SGCD: variants seen among roughly 807,000 people sequenced by gnomAD.
The protein encoded by SGCD is sarcoglycan delta.
Under a neutral mutation model 36.6 loss-of-function variants are expected in SGCD, and 18 were observed. That is an observed-to-expected ratio of 0.49 (90% confidence interval 0.34 to 0.73). SGCD has a LOEUF of 0.73. Ranked by LOEUF, SGCD falls within the 30% of genes least tolerant of loss-of-function variation. The pLI, the probability that SGCD is intolerant of heterozygous loss-of-function variation, is 0.01. For missense variants in SGCD, 387 were observed against 346.7 expected (o/e 1.12, Z -0.92); for synonymous variants, 133 against 130.6 (o/e 1.02, Z -0.12).
At chr5:156,725,518 G>A (rs950000302) in intron 7 of SGCD, among the ~76,000 whole-genome samples, 1 of 152,126 alleles carries the variant, frequency 6.6e-6, no homozygotes, top group South Asian at 2.1e-4. Context: ...GGGTCTGATG[G>A]GTTCCATAAA....
chr5:156,560,670 C>G (rs1759231216), intron 4 of SGCD, among the ~76,000 whole-genome samples: 1 of 152,120 alleles, frequency 6.6e-6, no homozygotes, highest in Non-Finnish European at 1.5e-5. Context: ...TTATTTTTCC[C>G]TCACCCTCTA....
At chr5:156,170,796 G>A (rs1261691760) in intron 3 of SGCD, among the ~76,000 whole-genome samples, 1 of 152,196 alleles carries the variant, frequency 6.6e-6, no homozygotes, top group East Asian at 1.9e-4. Flanking sequence ...GTTCCAGGCT[G>A]TAATCACATG....
the SGCD span, among the ~76,000 whole-genome samples, chr5:155,744,459 C>CAAATA: frequency 3.2e-3 from 480 of 151,290 alleles, 1 homozygote; most frequent in African/African-American, 7.8e-3. Context: ...GACTCCAACT[C>CAAATA]AAATAAAATA....
intron 3 of SGCD, among the ~76,000 whole-genome samples, chr5:156,183,762 G>A (rs564288019): frequency 6.6e-6 from 1 of 152,232 alleles, no homozygotes; most frequent in East Asian, 1.9e-4. Flanking sequence ...AAAATGTGAT[G>A]GAACTCTATC....
chr5:156,681,716 G>T (rs1273158199), intron 7 of SGCD, among the ~76,000 whole-genome samples: 2 of 152,166 alleles, frequency 1.3e-5, no homozygotes, highest in Non-Finnish European at 2.9e-5. Context: ...AATAAGTTTG[G>T]ATTTCAACCT....
At chr5:156,540,858 C>T (rs781749746) in intron 4 of SGCD, among the ~76,000 whole-genome samples, 16 of 152,112 alleles carry the variant, frequency 1.1e-4, no homozygotes, top group Non-Finnish European at 2.4e-4. Flanking sequence ...TGAGTGCTGG[C>T]CAGGGGGCTG....
chr5:156,713,418 G>C (rs469373), intron 7 of SGCD, among the ~76,000 whole-genome samples: 8 of 144,454 alleles, frequency 5.5e-5, no homozygotes, highest in African/African-American at 1.8e-4. Context: ...GTCGGGGGGG[G>C]CGTTATAGGA....
At chr5:155,966,201 C>G (rs1229231786) in intron 1 of SGCD, among the ~76,000 whole-genome samples, 1 of 152,078 alleles carries the variant, frequency 6.6e-6, no homozygotes, top group East Asian at 1.9e-4. Context: ...ATATGCCTGC[C>G]CAGTCAACGT....
At chr5:156,329,812 T>C (rs1767980949) in intron 2 of SGCD, among the ~76,000 whole-genome samples, 1 of 151,992 alleles carries the variant, frequency 6.6e-6, no homozygotes, top group Non-Finnish European at 1.5e-5. Flanking sequence ...GGTCAGGAGA[T>C]GGAGACCATC....
intron 3 of SGCD, among the ~76,000 whole-genome samples, chr5:156,304,727 A>C (rs904302630): frequency 1.3e-5 from 2 of 152,208 alleles, no homozygotes; most frequent in African/African-American, 2.4e-5. Flanking sequence ...AATGTGGGAA[A>C]GTTTGAAACC....
intron 1 of SGCD, among the ~76,000 whole-genome samples, chr5:156,086,072 T>A (rs932039853): frequency 4.6e-5 from 7 of 152,212 alleles, no homozygotes; most frequent in Non-Finnish European, 1.0e-4. Context: ...CTGGCAAAAA[T>A]AAACTTATGA....
At position 156,097,136 on chromosome 5, in the gene SGCD, G is replaced by A. The variant is rs563352807; in HGVS notation, c.-281-20742G>A. On this transcript the variant is annotated intron_variant, in intron 1 of 9. Transcript: ENST00000517913. ...GGCTGCTTTTAAGATTTTTTTTTTC[G>A]TTGTCTTTAGTTTTTCATGTTTAAT... 4.7e-5 allele frequency among the ~76,000 whole-genome samples: 7 copies of A among 150,420 alleles called. No homozygotes were observed. In the East Asian group the frequency reaches 7.8e-4, roughly 17 times the overall value.
At chr5:156,016,316 TGTTA>T (rs1191540081) in intron 1 of SGCD, among the ~76,000 whole-genome samples, 1 of 152,176 alleles carries the variant, frequency 6.6e-6, no homozygotes, top group Non-Finnish European at 1.5e-5. Context: ...CCTTCAGTGT[TGTTA>T]GTCATTTTAA....
chr5:156,301,397 T>G (rs973397097), intron 3 of SGCD, among the ~76,000 whole-genome samples: 2 of 152,074 alleles, frequency 1.3e-5, no homozygotes, highest in African/African-American at 4.8e-5. Context: ...ACTTTATGCT[T>G]TAACTTTACT....
chr5:155,803,776 T>C, the SGCD span, among the ~76,000 whole-genome samples: 2 of 152,170 alleles, frequency 1.3e-5, no homozygotes, highest in Admixed American at 6.5e-5. Flanking sequence ...TTGGGAAATA[T>C]CTGTATCTGA....
chr5:155,892,165 A>C (rs244976), intron 1 of SGCD, among the ~76,000 whole-genome samples: 64,256 of 151,950 alleles, frequency 0.42, 16,407 homozygotes, highest in Non-Finnish European at 0.58. Flanking sequence ...CAGGACATGA[A>C]AGAATGAAGC....
intron 3 of SGCD, among the ~76,000 whole-genome samples, chr5:156,159,598 C>A (rs112698849): frequency 6.6e-6 from 1 of 151,414 alleles, no homozygotes; most frequent in African/African-American, 2.4e-5. Context: ...GTTTATGAAA[C>A]ATTTAGTAGA....
At chr5:156,421,067 TAAAA>T (rs1456212675) in intron 3 of SGCD, among the ~76,000 whole-genome samples, 1 of 151,586 alleles carries the variant, frequency 6.6e-6, no homozygotes, top group Non-Finnish European at 1.5e-5. Context: ...AGCCTGAAAA[TAAAA>T]ATAAATAAAT....
intron 3 of SGCD, among the ~76,000 whole-genome samples, chr5:156,495,566 G>A (rs560640718): frequency 9.9e-5 from 15 of 152,242 alleles, no homozygotes; most frequent in African/African-American, 3.6e-4. Flanking sequence ...AATCTATTCT[G>A]GGAGGGATTT....
Sources: allele counts gnomAD v4.1 joint callset (sites outside exome capture counted in the v4.1 genomes callset), GRCh38; gene constraint gnomAD v4.1.1; transcripts MANE v1.5; gene names NCBI Gene and HGNC (gene_info 2026-07-23, HGNC 2026-07-21).